The following COL10A1 variants were observed in gnomAD, a reference collection of about 807,000 sequenced individuals.
The protein encoded by COL10A1 is collagen type X alpha 1 chain.
COL10A1 carries 10 observed loss-of-function variants against 18.2 expected under a neutral mutation model. The ratio of observed to expected loss-of-function variants is 0.55; its 90% CI spans 0.34 to 0.93. The LOEUF (loss-of-function observed/expected upper bound fraction) is 0.93. COL10A1 is among the 40% of genes least tolerant of loss of function. COL10A1 has a pLI of 0.02. For synonymous variants in COL10A1, 330 were observed against 316.6 expected, an observed-to-expected ratio of 1.04 and a Z score of -0.45; for missense variants, 897 against 853.5, an observed-to-expected ratio of 1.05 and a Z score of -0.64.
chr6:116,160,056 G>A (rs1446103644), upstream of COL10A1, among the ~76,000 whole-genome samples: 1 of 152,044 alleles, frequency 6.6e-6, no homozygotes, highest in African/African-American at 2.4e-5. Context: ...TTGCTATTGT[G>A]AATAGTGCTC....
the COL10A1 span, among the ~76,000 whole-genome samples, chr6:116,184,646 C>T: frequency 6.6e-6 from 1 of 152,004 alleles, no homozygotes; most frequent in South Asian, 2.1e-4. Context: ...TTATCCATCT[C>T]CTCTAGGTTT....
the COL10A1 span, among the ~76,000 whole-genome samples, chr6:116,179,071 G>C: frequency 6.6e-6 from 1 of 152,026 alleles, no homozygotes; most frequent in Non-Finnish European, 1.5e-5. Flanking sequence ...TGTTCATGCT[G>C]TTTTTTCTTC....
the COL10A1 span, among the ~76,000 whole-genome samples, chr6:116,191,075 C>G: frequency 6.6e-6 from 1 of 151,920 alleles, no homozygotes; most frequent in African/African-American, 2.4e-5. Context: ...AGCCAACACC[C>G]GAGTCTCTGA....
rs73772275 is a variant in COL10A1 at position 116,141,798 on chromosome 6, T to C, written c.-15-16291A>G. Among the ~76,000 whole-genome samples, 723 of 151,136 alleles carry C rather than the reference T, an allele frequency of 4.8e-3. 12 individuals are homozygous for C. Among genetic ancestry groups the C allele is most frequent in the South Asian group, 0.042 (202 of 4,780 alleles). ...TTTTGGTTTCCAGCAGGAGAATGTT[T>C]CCAGTTGAGGATTATGATAAGCATT... On this transcript the variant is annotated intron_variant, in intron 1 of 1. Coordinates refer to the COL10A1 transcript ENST00000418500.
At chr6:116,166,284 C>A in the COL10A1 span, among the ~76,000 whole-genome samples, 2 of 152,194 alleles carry the variant, frequency 1.3e-5, no homozygotes, top group South Asian at 4.1e-4. Context: ...TCATCTATGT[C>A]TTTGATCTTC....
chr6:116,172,353 G>A, the COL10A1 span, among the ~76,000 whole-genome samples: 84 of 120,938 alleles, frequency 6.9e-4, 1 homozygote, highest in East Asian at 0.013. Context: ...ATAGAGTCTC[G>A]CTCTGTTGCC....
At chr6:116,161,820 G>A (rs1192896783), upstream of COL10A1, among the ~76,000 whole-genome samples, 7 of 152,294 alleles carry the variant, frequency 4.6e-5, no homozygotes, top group Admixed American at 3.9e-4. Context: ...GCTTTGGGCA[G>A]TATAGTCATT....
At position 116,121,931 on chromosome 6, in the gene COL10A1, G is replaced by C; in HGVS notation, c.185C>G (p.Pro62Arg). ...AGGTCCAGCAGGGCCTGGTGGACCA[G>C]GAGTACCTTGCTCTCCTCTTACTGC... ...GIAVRGEQGT[P>R]GPPGPAGPRG... The change falls in exon 3 of 3, where the codon CCT becomes CGT. Residue 62 changes from proline (P) to arginine (R), a missense_variant. Pro to Arg is a moderately radical substitution (Grantham distance 103). Transcript: ENST00000651968. 1 of 1,613,466 alleles carries C rather than the reference G, an allele frequency of 6.2e-7. No individual in the cohort carries two copies. Among genetic ancestry groups the C allele is most frequent in the Non-Finnish European group, 8.5e-7 (1 of 1,180,010 alleles).
intron 1 of COL10A1, among the ~76,000 whole-genome samples, chr6:116,147,975 ACT>A (rs1379297200): frequency 6.7e-6 from 1 of 149,798 alleles, no homozygotes; most frequent in Non-Finnish European, 1.5e-5. Flanking sequence ...ACAGAGCGAG[ACT>A]CTGTCTCAAA....
At position 116,125,498 on chromosome 6, in the gene COL10A1, C is replaced by A; in HGVS notation, c.-6G>T. The A allele has an allele frequency of 6.2e-7, 1 of 1,613,322 alleles. No homozygotes were observed. The highest frequency in any genetic ancestry group is 1.1e-5 in the South Asian group (1 of 91,038). ...AAGGGTATTTGTGGCAGCATATTCT[C>A]AGATGGATTCTGAAAAACAGAAAAG... On this transcript the variant is annotated 5_prime_UTR_variant, in exon 2 of 3. Transcript: ENST00000651968.
intron 2 of COL10A1, 41 bp downstream of exon 2, chr6:116,125,298 A>G: frequency 6.2e-7 from 1 of 1,601,630 alleles, no homozygotes; most frequent in Non-Finnish European, 8.5e-7. Context: ...AGAAAGCAAC[A>G]AGCAACTTGT....
At chr6:116,141,206 A>G (rs1317651256) in intron 1 of COL10A1, among the ~76,000 whole-genome samples, 2 of 150,522 alleles carry the variant, frequency 1.3e-5, no homozygotes, top group South Asian at 2.1e-4. Context: ...TTGATTGGCC[A>G]TTTGTGTTTA....
At chr6:116,142,014 CA>C (rs1441428118) in intron 1 of COL10A1, among the ~76,000 whole-genome samples, 1 of 150,200 alleles carries the variant, frequency 6.7e-6, no homozygotes. Flanking sequence ...GATGAAAACT[CA>C]AAAAAAAGAT....
the COL10A1 span, among the ~76,000 whole-genome samples, chr6:116,170,783 ATAGTACCT>A: frequency 6.6e-6 from 1 of 152,174 alleles, no homozygotes; most frequent in Non-Finnish European, 1.5e-5. Context: ...AAAATACTGC[ATAGTACCT>A]TCAGTTGATC....
chr6:116,197,961 T>C, the COL10A1 span, among the ~76,000 whole-genome samples: 1 of 152,038 alleles, frequency 6.6e-6, no homozygotes, highest in Non-Finnish European at 1.5e-5. Flanking sequence ...TCTCTGAATT[T>C]TGTCATAGAG....
chr6:116,122,039 T>C, intron 2 of COL10A1, 78 bp from the exon 3 acceptor site: 1 of 1,227,130 alleles, frequency 8.1e-7, no homozygotes, highest in Non-Finnish European at 1.2e-6. Flanking sequence ...CCTTTCAAAC[T>C]ATGAATTGGG....
chr6:116,145,636 A>G (rs1779880121), intron 1 of COL10A1: 1 of 160,144 alleles, frequency 6.2e-6, no homozygotes. Context: ...ATCTACTCTT[A>G]ACATTTTAGA....
intron 1 of COL10A1, among the ~76,000 whole-genome samples, chr6:116,155,813 C>A (rs370609446): frequency 6.7e-6 from 1 of 148,186 alleles, no homozygotes; most frequent in East Asian, 2.0e-4. Flanking sequence ...GAAACATTTC[C>A]AGGGTATATG....
chr6:116,170,525 G>A, the COL10A1 span, among the ~76,000 whole-genome samples: 3 of 152,142 alleles, frequency 2.0e-5, no homozygotes, highest in African/African-American at 7.2e-5. Flanking sequence ...AATCAGAAGT[G>A]TACGTAAAGT....
Sources: allele counts gnomAD v4.1 joint callset (sites outside exome capture counted in the v4.1 genomes callset), GRCh38; gene constraint gnomAD v4.1.1; transcripts MANE v1.5; gene names NCBI Gene and HGNC (gene_info 2026-07-23, HGNC 2026-07-21).